CFAP298: variants seen among roughly 807,000 people sequenced by gnomAD.
CFAP298 encodes the protein cilia and flagella associated protein 298.
A neutral mutation model predicts 41.0 loss-of-function variants in CFAP298; 38 were observed. The ratio of observed to expected loss-of-function variants is 0.93; its 90% CI spans 0.72 to 1.22. CFAP298 has a LOEUF of 1.22. Ranked by LOEUF, CFAP298 falls within the 50% of genes most tolerant of loss-of-function variation. The probability of loss-of-function intolerance (pLI) is 0.00; values close to 1 mark genes in which losing one functional copy is unlikely to be tolerated. For synonymous variants in CFAP298, 137 were observed against 135.3 expected, an observed-to-expected ratio of 1.01 and a Z score of -0.09; for missense variants, 348 against 360.3, an observed-to-expected ratio of 0.97 and a Z score of 0.28.
rs112782203 is a variant in CFAP298 at position 32,607,615 on chromosome 21, A to G, written c.375+34T>C. 1,255 of 1,270,322 alleles carry G rather than the reference A, an allele frequency of 9.9e-4. 11 individuals are homozygous for G. In the African/African-American group the frequency reaches 0.014, roughly 14 times the overall value. The allele number at this position is 1,270,322 out of a possible 1,614,324, so 78.7% of individuals were successfully genotyped here. On this transcript the variant is annotated intron_variant, in intron 3 of 6. Coordinates refer to ENST00000290155, the MANE Select transcript of CFAP298 (RefSeq NM_021254.4). ...TCTCCAAAAAAAAAAAAAAAAACCC[A>G]ACAAGTTTTAGTGCATCATTTAAAA...
At position 32,602,228 on chromosome 21, in the gene CFAP298, G is replaced by A. The variant is rs552275739; in HGVS notation, c.762+44C>T. On this transcript the variant is annotated intron_variant, in intron 6 of 6. Coordinates refer to ENST00000290155, the MANE Select transcript of CFAP298 (RefSeq NM_021254.4). ...GCCCCAGGTAAGGCACACAGGCTAT[G>A]TGTGGGCGCCAGCACTGCAGAAAGC... The A allele has an allele frequency of 7.0e-6, 11 of 1,575,204 alleles. No individual in the cohort carries two copies. The Admixed American group carries it at 1.7e-4, about 24-fold the overall frequency.
rs546336786 is a variant in CFAP298, at chr21:32,608,966, C to T, written c.307+872G>A. On this transcript the variant is annotated intron_variant, in intron 2 of 6. Coordinates refer to ENST00000290155, the MANE Select transcript of CFAP298 (RefSeq NM_021254.4). Reference sequence around the variant, plus strand: ...TGTTCAATTACAGTGTTTTAAATGGCGCTTTTAATGCAGGTTAAAAAGAAT... The same window carrying T: ...TGTTCAATTACAGTGTTTTAAATGGTGCTTTTAATGCAGGTTAAAAAGAAT... Among the ~76,000 whole-genome samples, 48 of 152,282 alleles carry T rather than the reference C, an allele frequency of 3.2e-4. 1 individual carries two copies. Among genetic ancestry groups the T allele is most frequent in the Admixed American group, 2.7e-3 (41 of 15,298 alleles).
At chr21:32,609,714 G>C in intron 2 of CFAP298, 124 bp downstream of exon 2, 1 of 799,582 alleles carries the variant, frequency 1.3e-6, no homozygotes, top group East Asian at 2.7e-5. Flanking sequence ...GCAGTGAGCT[G>C]AGATTGTGCC....
At chr21:32,602,679 A>C in intron 5 of CFAP298, 1 of 1,255,250 alleles carries the variant, frequency 8.0e-7, no homozygotes, top group African/African-American at 1.5e-5. Context: ...GGATCTACAT[A>C]AGGTGGAGGG....
rs1491095261 is a variant in CFAP298, at chr21:32,611,341, T to TATATATACATATATATA, written c.139+763_139+764insTATATATATGTATATAT. Among the ~76,000 whole-genome samples, 77 of 118,426 alleles carry TATATATACATATATATA rather than the reference T, an allele frequency of 6.5e-4. 3 individuals carry two copies. Among genetic ancestry groups the TATATATACATATATATA allele is most frequent in the African/African-American group, 3.0e-3 (74 of 24,516 alleles). The allele number at this position is 118,426 out of a possible 152,430, so 77.7% of individuals were successfully genotyped here. ...ACCATATATATATATATATATATAA[T>TATATATACATATATATA]TTATTTATATTTATATATACATATA... On this transcript the variant is annotated intron_variant, in intron 1 of 6. Transcript: ENST00000290155.
chr21:32,610,859 A>C (rs2038973771), intron 1 of CFAP298, among the ~76,000 whole-genome samples: 1 of 152,198 alleles, frequency 6.6e-6, no homozygotes, highest in Non-Finnish European at 1.5e-5. Flanking sequence ...TATTTATTGC[A>C]AATAGTTACG....
chr21:32,599,873 C>T lies in CFAP298; in HGVS notation c.*1990G>A, dbSNP rs1384128396. ...GGCAGGGAGAGAGGATGGTTCTTCT[C>T]GCATGGGTATTTAAGGAGTGTAGTG... On this transcript the variant is annotated 3_prime_UTR_variant, in exon 7 of 7. Coordinates refer to ENST00000290155, the MANE Select transcript of CFAP298 (RefSeq NM_021254.4). Among the ~76,000 whole-genome samples the T allele has an allele frequency of 1.3e-5, 2 of 152,168 alleles. No individual in the cohort carries two copies. The highest frequency in any genetic ancestry group is 3.8e-4 in the East Asian group (2 of 5,200).
Position 32,601,136 on chromosome 21 carries a change from C to G in CFAP298, c.*727G>C, listed in dbSNP as rs2038726858. Among the ~76,000 whole-genome samples the G allele has an allele frequency of 6.6e-6, 1 of 152,130 alleles. No homozygotes were observed. Among genetic ancestry groups the G allele is most frequent in the African/African-American group, 2.4e-5 (1 of 41,406 alleles). ...CTCTCCAGCAAGGCTGGGAGTTCAGCTTCCAATAGATCTAGAGGGCCAGGA... is the reference window on the plus strand; with the variant it reads ...CTCTCCAGCAAGGCTGGGAGTTCAGGTTCCAATAGATCTAGAGGGCCAGGA... On this transcript the variant is annotated 3_prime_UTR_variant, in exon 7 of 7. Coordinates refer to ENST00000290155, the MANE Select transcript of CFAP298 (RefSeq NM_021254.4).
At chr21:32,610,448 G>A (rs1280372185) in intron 1 of CFAP298, among the ~76,000 whole-genome samples, 1 of 152,040 alleles carries the variant, frequency 6.6e-6, no homozygotes, top group Admixed American at 6.5e-5. Flanking sequence ...CAAGTGATCC[G>A]CCCGCCTCAG....
Position 32,604,266 on chromosome 21 carries a change from A to G in CFAP298, c.393T>C (p.Gly131=), listed in dbSNP as rs2038818157. Residue 131 remains glycine (G), a synonymous_variant, in exon 4 of 7, where the codon GGT becomes GGC. Coordinates refer to ENST00000290155, the MANE Select transcript of CFAP298 (RefSeq NM_021254.4). ...TCACCATCTCCATGGTAACACAGAC[A>G]CCGGCTTCCACTTGTTTCTGCAAGC... ...AIISKKQVEA[G]VCVTMEMVKD... is the part of the protein sequence containing the mutation. 6.2e-7 allele frequency: 1 copy of G among 1,614,060 alleles called. No individual in the cohort carries two copies. The highest frequency in any genetic ancestry group is 1.1e-5 in the South Asian group (1 of 91,084).
rs2038713485 is a variant in CFAP298 at position 32,600,256 on chromosome 21, A to C, written c.*1607T>G. Among the ~76,000 whole-genome samples the C allele has an allele frequency of 6.6e-6, 1 of 152,262 alleles. No homozygotes were observed. The highest frequency in any genetic ancestry group is 2.1e-4 in the South Asian group (1 of 4,838). On this transcript the variant is annotated 3_prime_UTR_variant, in exon 7 of 7. Transcript: ENST00000290155. ...AAAATAGATGCAAATTTGCTTTTAC[A>C]AAATTTGAAAATCAACCAAAAGAGT...
chr21:32,607,674 T>G lies in CFAP298; in HGVS notation c.350A>C (p.Glu117Ala). The G allele has an allele frequency of 6.3e-7, 1 of 1,599,482 alleles. No individual in the cohort carries two copies. Among genetic ancestry groups the G allele is most frequent in the Non-Finnish European group, 8.5e-7 (1 of 1,170,090 alleles). The change falls in exon 3 of 7, where the codon GAA becomes GCA. Residue 117 changes from glutamate (E) to alanine (A), a missense_variant. Glu to Ala is a moderately radical substitution (Grantham distance 107, BLOSUM62 -1). Transcript: ENST00000290155. ...CTTAGATATTATTGCTTTGGCTTCT[T>G]CTATAGTCTTCTTTAACACTTGCTT... ...KMKQVLKKTI[E>A]EAKAIISKKQ... is the part of the protein sequence containing the mutation.
In CFAP298 at chr21:32,609,848, C is replaced by T. The variant is rs772643740; in HGVS notation, c.297G>A (p.Arg99=). ...AVFKKDDIGR[R]NGQAPNEKMK... is the part of the protein sequence containing the mutation. ...GAAATCCTCACTTACCTTGCCCATT[C>T]CTTCGTCCAATATCATCCTTTTTAA... Residue 99 remains arginine, a synonymous_variant, in exon 2 of 7, where the codon AGG becomes AGA. Transcript: ENST00000290155. 19 of 1,613,396 alleles carry T rather than the reference C, an allele frequency of 1.2e-5. No individual in the cohort carries two copies. The highest frequency in any genetic ancestry group is 1.6e-5 in the Non-Finnish European group (19 of 1,179,672).
rs1491095261 is a variant in CFAP298, at chr21:32,611,341, T to TATA, written c.139+763_139+764insTAT. Among the ~76,000 whole-genome samples, 176 of 118,416 alleles carry TATA rather than the reference T, an allele frequency of 1.5e-3. 10 individuals are homozygous for TATA. The highest frequency in any genetic ancestry group is 6.2e-3 in the African/African-American group (153 of 24,508). 77.7% of individuals were successfully genotyped at this position (118,416 alleles called of 152,430 possible). On this transcript the variant is annotated intron_variant, in intron 1 of 6. Coordinates refer to ENST00000290155, the MANE Select transcript of CFAP298 (RefSeq NM_021254.4). ...ACCATATATATATATATATATATAATTTATTTATATTTATATATACATATA... is the reference window on the plus strand; with the variant it reads ...ACCATATATATATATATATATATAATATATTATTTATATTTATATATACATATA...
chr21:32,611,338 T>TATATATATATATAA lies in CFAP298; in HGVS notation c.139+766_139+767insTTATATATATATAT, dbSNP rs954890218. The stretch of plus-strand genomic sequence containing the variant: ...CATACCATATATATATATATATATA[T>TATATATATATATAA]AATTTATTTATATTTATATATACAT... On this transcript the variant is annotated intron_variant, in intron 1 of 6. Coordinates refer to ENST00000290155, the MANE Select transcript of CFAP298 (RefSeq NM_021254.4). Among the ~76,000 whole-genome samples, 36 of 132,340 alleles carry TATATATATATATAA rather than the reference T, an allele frequency of 2.7e-4. 1 individual carries two copies. The highest frequency in any genetic ancestry group is 1.1e-3 in the African/African-American group (33 of 30,112). The allele number at this position is 132,340 out of a possible 152,430, so 86.8% of individuals were successfully genotyped here.
chr21:32,606,685 T>G (rs1208026507), intron 3 of CFAP298, among the ~76,000 whole-genome samples: 1 of 152,174 alleles, frequency 6.6e-6, no homozygotes, highest in Non-Finnish European at 1.5e-5. Context: ...AAATATTGGT[T>G]TAAAAATAAC....
intron 1 of CFAP298, among the ~76,000 whole-genome samples, chr21:32,611,765 C>G (rs2039005958): frequency 6.6e-6 from 1 of 152,136 alleles, no homozygotes; most frequent in Non-Finnish European, 1.5e-5. Flanking sequence ...GTTCTCATCT[C>G]ACCCCTCACA....
chr21:32,608,404 C>A (rs1734680222), intron 2 of CFAP298, among the ~76,000 whole-genome samples: 3 of 151,984 alleles, frequency 2.0e-5, no homozygotes. Context: ...CGCCTGTAAT[C>A]CCAGCACTTC....
chr21:32,607,466 G>A (rs1377641718), intron 3 of CFAP298, among the ~76,000 whole-genome samples, 183 bp downstream of exon 3: 3 of 152,006 alleles, frequency 2.0e-5, no homozygotes, highest in Admixed American at 6.6e-5. Context: ...GGTGGTGCAT[G>A]CCTGTAATCC....
Sources: allele counts gnomAD v4.1 joint callset (sites outside exome capture counted in the v4.1 genomes callset), GRCh38; gene constraint gnomAD v4.1.1; transcripts MANE v1.5; gene names NCBI Gene and HGNC (gene_info 2026-07-23, HGNC 2026-07-21).